Variants in UBP1 observed in about 807,000 individuals in gnomAD.
UBP1 encodes the protein upstream-binding protein 1.
A neutral mutation model predicts 76.1 loss-of-function variants in UBP1; 22 were observed. The ratio of observed to expected loss-of-function variants is 0.29; its 90% CI spans 0.21 to 0.41. The LOEUF (loss-of-function observed/expected upper bound fraction) is 0.41, where lower values mean the gene tolerates loss of function less well. Among genes scored for constraint, UBP1 ranks in the 10% least tolerant of loss-of-function variants. The probability of loss-of-function intolerance (pLI) is 1.00; values close to 1 mark genes in which losing one functional copy is unlikely to be tolerated. For missense variants in UBP1, 436 were observed against 668.1 expected (o/e 0.65, Z 3.83); for synonymous variants, 224 against 237.1 (o/e 0.94, Z 0.51).
At chr3:33,411,067 C>T (rs548302325) in intron 5 of UBP1, among the ~76,000 whole-genome samples, 95 of 137,050 alleles carry the variant, frequency 6.9e-4, no homozygotes, top group African/African-American at 2.3e-3. Flanking sequence ...AATGAAACTC[C>T]ATCTCAAAAA....
intron 3 of UBP1, among the ~76,000 whole-genome samples, chr3:33,413,889 T>C (rs2044661985): frequency 6.6e-6 from 1 of 152,128 alleles, no homozygotes; most frequent in Admixed American, 6.5e-5. Flanking sequence ...TGGTGGCCCC[T>C]AAGACACCAA....
At chr3:33,420,489 T>TTC (rs2044860496) in intron 2 of UBP1, among the ~76,000 whole-genome samples, 1 of 78,540 alleles carries the variant, frequency 1.3e-5, no homozygotes, top group African/African-American at 6.6e-5. Context: ...CCATACTGGC[T>TTC]TTTTTTTTTT....
chr3:33,438,869 A>C (rs879032956), intron 1 of UBP1, among the ~76,000 whole-genome samples: 1 of 152,242 alleles, frequency 6.6e-6, no homozygotes, highest in East Asian at 1.9e-4. Context: ...ACATTTTCTA[A>C]AGAACAGAAA....
At chr3:33,430,360 G>A (rs1051393058) in intron 1 of UBP1, among the ~76,000 whole-genome samples, 1 of 152,154 alleles carries the variant, frequency 6.6e-6, no homozygotes, top group South Asian at 2.1e-4. Context: ...GAAAGTACTG[G>A]TTAGCTTCTC....
At chr3:33,427,640 C>T (rs2045040775) in intron 1 of UBP1, among the ~76,000 whole-genome samples, 1 of 152,178 alleles carries the variant, frequency 6.6e-6, no homozygotes, top group Admixed American at 6.5e-5. Flanking sequence ...AGAACGTTAT[C>T]CCACCAGTAG....
At position 33,390,043 on chromosome 3, in the gene UBP1, T is replaced by C; in HGVS notation, c.*288A>G. The stretch of plus-strand genomic sequence containing the variant: ...GACAGCAAAGGCTGCTTCTAGGAAC[T>C]GTATTTACTGGCCTCTGCCAGAGCA... On this transcript the variant is annotated 3_prime_UTR_variant, in exon 16 of 16. Transcript: ENST00000283629. 1 of 387,030 alleles carries C rather than the reference T, an allele frequency of 2.6e-6. No individual in the cohort carries two copies. The highest frequency in any genetic ancestry group is 4.1e-5 in the Admixed American group (1 of 24,268). 24.0% of individuals were successfully genotyped at this position (387,030 alleles called of 1,614,324 possible). A position where few individuals can be genotyped will look rare whatever the true frequency, so the allele number is the denominator to read the frequency against.
intron 4 of UBP1, 140 bp downstream of exon 4, chr3:33,412,581 CA>C (rs35702863): frequency 0.39 from 192,029 of 494,396 alleles, 12,187 homozygotes; most frequent in African/African-American, 0.55. Context: ...GGCTCTGTCT[CA>C]AAAAAAAAAA....
rs1412744919 is a variant in UBP1, at chr3:33,390,376, A to G, written c.1586-8T>C. On this transcript the variant is annotated splice_polypyrimidine_tract_variant and splice_region_variant and intron_variant, in intron 15 of 15. Transcript: ENST00000283629. The stretch of plus-strand genomic sequence containing the variant: ...TGCCATCACTACTTTCAGCTGCAGA[A>G]AAAGGAAAGACAGTATTTCTTCAGT... 6.2e-7 allele frequency: 1 copy of G among 1,613,926 alleles called. No homozygotes were observed. The highest frequency in any genetic ancestry group is 8.5e-7 in the Non-Finnish European group (1 of 1,179,978).
intron 4 of UBP1, among the ~76,000 whole-genome samples, chr3:33,412,067 G>C (rs924187392): frequency 6.6e-6 from 1 of 151,544 alleles, no homozygotes; most frequent in African/African-American, 2.4e-5. Flanking sequence ...CGTGCCTGTA[G>C]TCCCAGCTAC....
intron 2 of UBP1, among the ~76,000 whole-genome samples, chr3:33,418,719 C>T (rs1452304390): frequency 1.3e-5 from 2 of 151,410 alleles, no homozygotes; most frequent in Non-Finnish European, 2.9e-5. Context: ...ATTAGCTGGG[C>T]GTGGTGGTGC....
intron 13 of UBP1, among the ~76,000 whole-genome samples, chr3:33,395,765 AAAAAAAAAG>A (rs2043960820): frequency 6.6e-6 from 1 of 151,270 alleles, no homozygotes; most frequent in Non-Finnish European, 1.5e-5. Context: ...AAAAAAAAAA[AAAAAAAAAG>A]AAAAAGGAAA....
chr3:33,436,968 G>A (rs189406239), intron 1 of UBP1, among the ~76,000 whole-genome samples: 1 of 152,260 alleles, frequency 6.6e-6, no homozygotes, highest in East Asian at 1.9e-4. Context: ...CTAAAATCCT[G>A]TTACTGTAAC....
intron 13 of UBP1, 142 bp from the exon 14 acceptor site, chr3:33,393,596 T>C: frequency 1.4e-6 from 1 of 707,438 alleles, no homozygotes; most frequent in African/African-American, 1.8e-5. Flanking sequence ...GAATAAACTA[T>C]TTCTTTCCCC....
At chr3:33,419,628 C>CAAAA (rs34615713) in intron 2 of UBP1, among the ~76,000 whole-genome samples, 19 of 100,790 alleles carry the variant, frequency 1.9e-4, no homozygotes, top group African/African-American at 5.5e-4. Context: ...GACTCCATCT[C>CAAAA]AAAAAAAAAA....
intron 13 of UBP1, among the ~76,000 whole-genome samples, chr3:33,395,490 A>G (rs17030579): frequency 0.38 from 57,344 of 151,768 alleles, 11,787 homozygotes; most frequent in East Asian, 0.6. Context: ...AAGAGGGAGA[A>G]GCCAAGATTA....
intron 15 of UBP1, chr3:33,390,734 A>AG (rs1011194913): frequency 6.1e-5 from 14 of 231,034 alleles, no homozygotes; most frequent in Non-Finnish European, 9.4e-5. Context: ...AGAGGACCTG[A>AG]GGGAGTAAAT....
intron 10 of UBP1, 140 bp downstream of exon 10, chr3:33,400,822 A>G (rs1368781226): frequency 1.2e-6 from 1 of 803,440 alleles, no homozygotes; most frequent in Non-Finnish European, 2.0e-6. Context: ...ATGGACACCC[A>G]AAATATCCTG....
intron 1 of UBP1, among the ~76,000 whole-genome samples, chr3:33,427,988 C>T (rs545153473): frequency 3.3e-5 from 5 of 152,160 alleles, no homozygotes; most frequent in African/African-American, 9.6e-5. Flanking sequence ...GTCAGGAGTT[C>T]GAGACATGGC....
At chr3:33,411,957 C>G (rs1269254560) in intron 4 of UBP1, among the ~76,000 whole-genome samples, 1 of 151,934 alleles carries the variant, frequency 6.6e-6, no homozygotes, top group Non-Finnish European at 1.5e-5. Flanking sequence ...GAGGCCAAGG[C>G]AGGTGGATAA....
Sources: allele counts gnomAD v4.1 joint callset (sites outside exome capture counted in the v4.1 genomes callset), GRCh38; gene constraint gnomAD v4.1.1; transcripts MANE v1.5; gene names NCBI Gene and HGNC (gene_info 2026-07-23, HGNC 2026-07-21).